TNRC6B: variants seen among roughly 807,000 people sequenced by gnomAD.
TNRC6B encodes trinucleotide repeat containing adaptor 6B.
A neutral mutation model predicts 203.6 loss-of-function variants in TNRC6B; 52 were observed. The observed-to-expected ratio is 0.26, with a 90% CI of 0.20 to 0.32. The LOEUF (loss-of-function observed/expected upper bound fraction) is 0.32. Ranked by LOEUF, TNRC6B falls within the 10% of genes least tolerant of loss-of-function variation. TNRC6B has a pLI of 1.00. For missense variants in TNRC6B, 1,923 were observed against 2,286.2 expected (o/e 0.84, Z 3.24); for synonymous variants, 838 against 845.7 (o/e 0.99, Z 0.16).
At chr22:40,202,879 C>T (rs757825707) in intron 1 of TNRC6B, among the ~76,000 whole-genome samples, 3 of 152,084 alleles carry the variant, frequency 2.0e-5, no homozygotes, top group Non-Finnish European at 4.4e-5. Context: ...TGCTTCCATC[C>T]GTCTTATTTC....
chr22:40,141,309 G>A (rs976526328), intron 3 of TNRC6B, among the ~76,000 whole-genome samples: 10 of 148,178 alleles, frequency 6.7e-5, no homozygotes, highest in Non-Finnish European at 1.2e-4. Flanking sequence ...GGGTTCAGGC[G>A]ATGCTCCCAC....
chr22:40,281,740 A>G (rs1228948249), intron 11 of TNRC6B, among the ~76,000 whole-genome samples: 2 of 152,212 alleles, frequency 1.3e-5, no homozygotes, highest in Non-Finnish European at 2.9e-5. Flanking sequence ...CTTGAAATCT[A>G]GTGTCTTTAA....
chr22:40,152,997 G>A (rs1321531298), intron 3 of TNRC6B, among the ~76,000 whole-genome samples: 2 of 152,072 alleles, frequency 1.3e-5, no homozygotes, highest in South Asian at 4.2e-4. Flanking sequence ...AACTACTCGG[G>A]AGGCTGAGAC....
At chr22:40,280,857 GTC>G (rs1200721285) in intron 10 of TNRC6B, among the ~76,000 whole-genome samples, 1 of 152,170 alleles carries the variant, frequency 6.6e-6, no homozygotes, top group East Asian at 1.9e-4. Context: ...AAAATAAAGT[GTC>G]TGGCAATTTT....
intron 3 of TNRC6B, among the ~76,000 whole-genome samples, chr22:40,134,723 A>T (rs1297257752): frequency 6.6e-6 from 1 of 152,202 alleles, no homozygotes; most frequent in Non-Finnish European, 1.5e-5. Context: ...ATAAATAAAT[A>T]ATAATGTATC....
intron 11 of TNRC6B, among the ~76,000 whole-genome samples, chr22:40,284,229 G>T (rs1293264075): frequency 1.3e-5 from 2 of 152,128 alleles, no homozygotes; most frequent in African/African-American, 2.4e-5. Context: ...GATTTTAATT[G>T]CCATTTCGAC....
rs1024958260 is a variant in TNRC6B, at chr22:40,244,659, C to T, written c.6-1356C>T. On this transcript the variant is annotated intron_variant, in intron 1 of 22. Coordinates refer to ENST00000454349, the MANE Select transcript of TNRC6B (RefSeq NM_001162501.2). ...TATTCACTTAAGCTTTAATTTGACT[C>T]ACTTGTAACTCAGCCTTATGCTAGG... Among the ~76,000 whole-genome samples the T allele has an allele frequency of 2.6e-5, 4 of 152,116 alleles. No homozygotes were observed. In the East Asian group the frequency reaches 7.7e-4, roughly 29 times the overall value.
intron 1 of TNRC6B, among the ~76,000 whole-genome samples, chr22:40,091,370 A>G (rs2068149492): frequency 6.6e-6 from 1 of 152,204 alleles, no homozygotes; most frequent in Non-Finnish European, 1.5e-5. Flanking sequence ...TATAAGAATT[A>G]CAGAGGACAG....
At chr22:40,178,245 C>T in intron 1 of TNRC6B, 105 bp downstream of exon 1, 1 of 1,325,938 alleles carries the variant, frequency 7.5e-7, no homozygotes, top group South Asian at 1.2e-5. Context: ...AGCATGGAGA[C>T]TGGCTTCAGA....
chr22:40,308,305 A>G (rs2071120216), intron 15 of TNRC6B, among the ~76,000 whole-genome samples: 1 of 152,244 alleles, frequency 6.6e-6, no homozygotes, highest in Admixed American at 6.5e-5. Context: ...TGGCAGTCAT[A>G]CACATCTTCA....
intron 1 of TNRC6B, among the ~76,000 whole-genome samples, chr22:40,195,090 T>G (rs1332197447): frequency 6.6e-6 from 1 of 152,228 alleles, no homozygotes; most frequent in Non-Finnish European, 1.5e-5. Flanking sequence ...GAAGAATTAT[T>G]TGCAGAGACA....
intron 2 of TNRC6B, among the ~76,000 whole-genome samples, chr22:40,120,026 C>T (rs1409415405): frequency 6.6e-6 from 1 of 152,068 alleles, no homozygotes; most frequent in African/African-American, 2.4e-5. Flanking sequence ...TAAGTGGGCA[C>T]ATTACATGGT....
chr22:40,211,871 G>C (rs1005895655), intron 1 of TNRC6B, among the ~76,000 whole-genome samples: 1 of 152,236 alleles, frequency 6.6e-6, no homozygotes, highest in African/African-American at 2.4e-5. Context: ...AATGCTGGCA[G>C]ACTGACTGCA....
chr22:40,219,682 C>G (rs891363154), intron 1 of TNRC6B, among the ~76,000 whole-genome samples: 7 of 152,202 alleles, frequency 4.6e-5, no homozygotes, highest in African/African-American at 1.7e-4. Context: ...TGTCTTTCCT[C>G]TACCTGGATC....
intron 1 of TNRC6B, among the ~76,000 whole-genome samples, chr22:40,188,675 A>G (rs1346251246): frequency 1.3e-5 from 2 of 152,184 alleles, no homozygotes; most frequent in Non-Finnish European, 2.9e-5. Flanking sequence ...TTTAATGCCA[A>G]GAAGTTCCCA....
intron 1 of TNRC6B, among the ~76,000 whole-genome samples, chr22:40,109,082 C>T (rs937435715): frequency 1.3e-5 from 2 of 152,154 alleles, no homozygotes; most frequent in Non-Finnish European, 2.9e-5. Context: ...TGGCTTCCAG[C>T]TGCATCCGTG....
Position 40,162,802 on chromosome 22 carries a change from C to T in TNRC6B, c.113+6620C>T, listed in dbSNP as rs570853702. On this transcript the variant is annotated intron_variant, in intron 4 of 23. Transcript: ENST00000301923. ...GTTGGCTTTTCTGTATAATCTTGAACAGCTTTTGGGGGAAATGAGTTTTCT... is the reference window on the plus strand; with the variant it reads ...GTTGGCTTTTCTGTATAATCTTGAATAGCTTTTGGGGGAAATGAGTTTTCT... Among the ~76,000 whole-genome samples, 4 of 152,232 alleles carry T rather than the reference C, an allele frequency of 2.6e-5. No homozygotes were observed. In the South Asian group the frequency reaches 6.2e-4, roughly 24 times the overall value.
chr22:40,239,459 A>G (rs1273217416), intron 1 of TNRC6B, among the ~76,000 whole-genome samples: 1 of 152,176 alleles, frequency 6.6e-6, no homozygotes, highest in Non-Finnish European at 1.5e-5. Flanking sequence ...GGGTCTGCAG[A>G]AGAAGGCAAG....
intron 21 of TNRC6B, among the ~76,000 whole-genome samples, chr22:40,316,985 A>C (rs954541817): frequency 6.6e-6 from 1 of 152,196 alleles, no homozygotes; most frequent in Non-Finnish European, 1.5e-5. Flanking sequence ...ACGATTTGCT[A>C]TACAAATGTG....
Sources: gnomAD v4.1 joint callset for allele counts (sites outside exome capture counted in the v4.1 genomes callset) on GRCh38, gnomAD v4.1.1 for gene constraint, MANE v1.5 for transcripts, NCBI Gene and HGNC (gene_info 2026-07-23, HGNC 2026-07-21) for gene names.